Variants in BTG4 observed in about 807,000 individuals in gnomAD.
The protein encoded by BTG4 is BTG anti-proliferation factor 4, also known as protein BTG4.
Under a neutral mutation model 19.3 loss-of-function variants are expected in BTG4, and 10 were observed. That is an observed-to-expected ratio of 0.52 (90% CI 0.32 to 0.88). The LOEUF (loss-of-function observed/expected upper bound fraction) is 0.88. BTG4 is among the 40% of genes least tolerant of loss of function. The pLI is 0.04. For missense variants in BTG4, 238 were observed against 281.9 expected (o/e 0.84, Z 1.11); for synonymous variants, 91 against 95.7 (o/e 0.95, Z 0.29).
At chr11:111,391,073 G>T in the BTG4 span, among the ~76,000 whole-genome samples, 1 of 152,176 alleles carries the variant, frequency 6.6e-6, no homozygotes, top group Non-Finnish European at 1.5e-5. Context: ...GTATGTGCTC[G>T]ATAAAGTCTC....
chr11:111,431,848 A>C, the BTG4 span, among the ~76,000 whole-genome samples: 1 of 152,212 alleles, frequency 6.6e-6, no homozygotes, highest in Non-Finnish European at 1.5e-5. Flanking sequence ...AGCTGGGGAC[A>C]CATACTTGAC....
At chr11:111,503,764 C>T (rs1176797354) in intron 1 of BTG4, among the ~76,000 whole-genome samples, 1 of 152,000 alleles carries the variant, frequency 6.6e-6, no homozygotes, top group East Asian at 1.9e-4. Flanking sequence ...ACTGACATGA[C>T]CTTGTACAAG....
chr11:111,482,978 GA>G (rs1864832260), intron 5 of BTG4, among the ~76,000 whole-genome samples: 1 of 152,088 alleles, frequency 6.6e-6, no homozygotes, highest in Admixed American at 6.6e-5. Context: ...TCATTAAGAG[GA>G]TAAAACACAA....
At chr11:111,442,788 C>T in the BTG4 span, among the ~76,000 whole-genome samples, 2 of 151,790 alleles carry the variant, frequency 1.3e-5, no homozygotes, top group African/African-American at 4.9e-5. Flanking sequence ...TAAATGTTCA[C>T]GTGAATAAAT....
chr11:111,423,702 C>A, the BTG4 span, among the ~76,000 whole-genome samples: 1 of 152,182 alleles, frequency 6.6e-6, no homozygotes, highest in African/African-American at 2.4e-5. Context: ...ATTTAATACA[C>A]AAAAACAATG....
chr11:111,501,289 A>G (rs1300568443), intron 1 of BTG4, among the ~76,000 whole-genome samples: 1 of 152,142 alleles, frequency 6.6e-6, no homozygotes, highest in African/African-American at 2.4e-5. Flanking sequence ...ACTTGAGCCC[A>G]GAAGTTTGAG....
At chr11:111,422,836 C>A in the BTG4 span, among the ~76,000 whole-genome samples, 1 of 152,272 alleles carries the variant, frequency 6.6e-6, no homozygotes, top group South Asian at 2.1e-4. Context: ...CAGCCAATCC[C>A]CAAAAGCAGC....
At chr11:111,513,657 ATGTATGTAATG>A (rs1484000484), upstream of BTG4, 1 of 359,674 alleles carries the variant, frequency 2.8e-6, no homozygotes, top group Non-Finnish European at 5.6e-6. Context: ...TAAGTTTACA[ATGTATGTAATG>A]TGTATGTATG....
intron 1 of BTG4, among the ~76,000 whole-genome samples, chr11:111,500,086 G>T (rs1024591140): frequency 2.0e-5 from 3 of 151,732 alleles, no homozygotes; most frequent in African/African-American, 7.3e-5. Flanking sequence ...AGGATGCAGT[G>T]AGCCAAGATC....
chr11:111,485,145 C>T (rs75340772), intron 5 of BTG4, among the ~76,000 whole-genome samples: 3,060 of 152,110 alleles, frequency 0.02, 99 homozygotes, highest in African/African-American at 0.068. Flanking sequence ...GAGAGATGGA[C>T]CTCAATACAA....
the BTG4 span, among the ~76,000 whole-genome samples, chr11:111,446,968 C>G: frequency 4.6e-5 from 7 of 152,092 alleles, no homozygotes; most frequent in Admixed American, 4.6e-4. Flanking sequence ...AGACTTACTA[C>G]AAAAAAAGAA....
At chr11:111,497,170 G>T in intron 4 of BTG4, 41 bp downstream of exon 4, 1 of 1,537,298 alleles carries the variant, frequency 6.5e-7, no homozygotes, top group Non-Finnish European at 8.9e-7. Flanking sequence ...TTTAGAATTA[G>T]ATAGAAAAAA....
the BTG4 span, among the ~76,000 whole-genome samples, chr11:111,393,928 T>C: frequency 6.6e-6 from 1 of 152,236 alleles, no homozygotes; most frequent in East Asian, 1.9e-4. Context: ...GGTTCAAATC[T>C]CAGGTCTACC....
chr11:111,451,562 C>T, the BTG4 span, among the ~76,000 whole-genome samples: 12 of 152,220 alleles, frequency 7.9e-5, no homozygotes, highest in South Asian at 1.2e-3. Flanking sequence ...GTCGGAAGTT[C>T]GAGACCAGCC....
chr11:111,453,823 T>A, the BTG4 span, among the ~76,000 whole-genome samples: 1 of 152,208 alleles, frequency 6.6e-6, no homozygotes, highest in Non-Finnish European at 1.5e-5. Flanking sequence ...AAACATAGTA[T>A]AACCGTGTAC....
chr11:111,409,367 G>T, the BTG4 span, among the ~76,000 whole-genome samples: 1 of 152,132 alleles, frequency 6.6e-6, no homozygotes, highest in Non-Finnish European at 1.5e-5. Flanking sequence ...TGGTGGGATG[G>T]CTTGGTGCCA....
the BTG4 span, among the ~76,000 whole-genome samples, chr11:111,429,625 T>C: frequency 6.6e-6 from 1 of 152,352 alleles, no homozygotes; most frequent in African/African-American, 2.4e-5. Context: ...TTGAATCAGA[T>C]AGTTTTAGGA....
chr11:111,419,598 C>T, the BTG4 span, among the ~76,000 whole-genome samples: 1 of 152,216 alleles, frequency 6.6e-6, no homozygotes, highest in African/African-American at 2.4e-5. Flanking sequence ...ACCACTGGCT[C>T]GCTTCCCAAG....
chr11:111,411,184 CA>C, the BTG4 span, among the ~76,000 whole-genome samples: 1 of 152,192 alleles, frequency 6.6e-6, no homozygotes, highest in Non-Finnish European at 1.5e-5. Flanking sequence ...GGCGGAGTCT[CA>C]AGTTCTCATT....
Sources: gnomAD v4.1 joint callset for allele counts (sites outside exome capture counted in the v4.1 genomes callset) on GRCh38, gnomAD v4.1.1 for gene constraint, MANE v1.5 for transcripts, NCBI Gene and HGNC (gene_info 2026-07-23, HGNC 2026-07-21) for gene names.